Variants in TMEM132D observed in about 807,000 individuals in gnomAD.
TMEM132D encodes mature OL transmembrane protein.
Under a neutral mutation model 62.3 loss-of-function variants are expected in TMEM132D, and 21 were observed. The observed-to-expected ratio is 0.34, with a 90% confidence interval of 0.24 to 0.49. The LOEUF is 0.49. TMEM132D is among the 20% of genes least tolerant of loss of function. TMEM132D has a pLI of 0.99. For missense variants in TMEM132D, 1,346 were observed against 1,402.8 expected, an observed-to-expected ratio of 0.96 and a Z score of 0.65; for synonymous variants, 621 against 575.6, an observed-to-expected ratio of 1.08 and a Z score of -1.13.
intron 1 of TMEM132D, among the ~76,000 whole-genome samples, chr12:129,703,107 T>A (rs114927711): frequency 0.013 from 1,947 of 152,336 alleles, 45 homozygotes; most frequent in African/African-American, 0.043. Context: ...AGCACTCTTT[T>A]GCCATTCGTG....
intron 1 of TMEM132D, among the ~76,000 whole-genome samples, chr12:129,806,226 A>C (rs1593169191): frequency 1.9e-5 from 1 of 53,126 alleles, no homozygotes; most frequent in Non-Finnish European, 4.4e-5. Context: ...TCATGCTGCT[A>C]TAAAGACACA....
intron 3 of TMEM132D, among the ~76,000 whole-genome samples, chr12:129,348,680 C>A (rs1869766755): frequency 6.6e-6 from 1 of 152,130 alleles, no homozygotes; most frequent in Non-Finnish European, 1.5e-5. Context: ...TGTAACAAAC[C>A]TGCATGTTCT....
chr12:129,075,693 ATCTTGATTGGAGAG>A (rs2135606677), intron 8 of TMEM132D, among the ~76,000 whole-genome samples: 1 of 152,332 alleles, frequency 6.6e-6, no homozygotes, highest in East Asian at 1.9e-4. Flanking sequence ...AGGGAGAAGC[ATCTTGATTGGAGAG>A]TCTTCATCTC....
intron 3 of TMEM132D, among the ~76,000 whole-genome samples, chr12:129,526,350 T>C (rs1876037453): frequency 6.6e-6 from 1 of 152,150 alleles, no homozygotes; most frequent in African/African-American, 2.4e-5. Context: ...AATGGCATGA[T>C]CTCGGCTCAC....
Position 129,409,221 on chromosome 12 carries a change from C to T in TMEM132D, c.1116-71404G>A, listed in dbSNP as rs1017588577. Among the ~76,000 whole-genome samples the T allele has an allele frequency of 7.2e-5, 11 of 152,214 alleles. 1 individual carries two copies. The highest frequency in any genetic ancestry group is 2.7e-4 in the African/African-American group (11 of 41,458). ...GTGCTGGGATTACAGGCATGAGCCA[C>T]CGCACCCGGCCAGAGAAATTCTCTT... On this transcript the variant is annotated intron_variant, in intron 3 of 8. Transcript: ENST00000422113.
chr12:129,302,272 A>G lies in TMEM132D; in HGVS notation c.1299+35362T>C, dbSNP rs185428515. Reference sequence around the variant, plus strand: ...TGGGATTATAGGTGTGCACCACCATACCCGGCTAATTTTTGTAGTTTTCGT... The same window carrying G: ...TGGGATTATAGGTGTGCACCACCATGCCCGGCTAATTTTTGTAGTTTTCGT... On this transcript the variant is annotated intron_variant, in intron 4 of 8. Coordinates refer to ENST00000422113, the MANE Select transcript of TMEM132D (RefSeq NM_133448.3). 1.6e-4 allele frequency among the ~76,000 whole-genome samples: 24 copies of G among 152,216 alleles called. No individual in the cohort carries two copies. The East Asian group carries it at 4.7e-3, about 30-fold the overall frequency.
chr12:129,561,232 T>A (rs1393847551), intron 2 of TMEM132D, among the ~76,000 whole-genome samples: 1 of 152,212 alleles, frequency 6.6e-6, no homozygotes, highest in Non-Finnish European at 1.5e-5. Context: ...CCAGACTAAC[T>A]ATCCCTAACT....
chr12:129,095,679 G>A (rs1207782363), intron 5 of TMEM132D, among the ~76,000 whole-genome samples: 6 of 152,020 alleles, frequency 3.9e-5, no homozygotes, highest in African/African-American at 1.4e-4. Flanking sequence ...GAAGAGATCG[G>A]GGCATCAGGG....
chr12:129,898,052 C>A (rs1225780943), intron 1 of TMEM132D, among the ~76,000 whole-genome samples: 1 of 152,216 alleles, frequency 6.6e-6, no homozygotes, highest in Non-Finnish European at 1.5e-5. Context: ...TACATATCTA[C>A]CCCATTGAGT....
At chr12:129,237,161 C>G (rs1879808545) in intron 4 of TMEM132D, among the ~76,000 whole-genome samples, 1 of 152,044 alleles carries the variant, frequency 6.6e-6, no homozygotes, top group South Asian at 2.1e-4. Flanking sequence ...ATCTACATTC[C>G]TCAGGAATAT....
chr12:129,342,273 A>G (rs528415087), intron 3 of TMEM132D, among the ~76,000 whole-genome samples: 29 of 152,202 alleles, frequency 1.9e-4, no homozygotes, highest in African/African-American at 4.8e-4. Context: ...ATAATGCCGC[A>G]TATCTACAAC....
intron 3 of TMEM132D, among the ~76,000 whole-genome samples, chr12:129,358,469 G>A (rs555984005): frequency 1.3e-5 from 2 of 152,208 alleles, no homozygotes; most frequent in South Asian, 4.1e-4. Context: ...GTTTGAAATT[G>A]GCCACGGTGG....
At chr12:129,535,785 T>C (rs796118161) in intron 2 of TMEM132D, among the ~76,000 whole-genome samples, 5 of 138,794 alleles carry the variant, frequency 3.6e-5, no homozygotes, top group East Asian at 2.0e-4. Context: ...TGCGTGTGTG[T>C]GTGTGTGTGT....
intron 2 of TMEM132D, among the ~76,000 whole-genome samples, chr12:129,625,579 G>T: frequency 6.6e-6 from 1 of 152,188 alleles, no homozygotes; most frequent in East Asian, 1.9e-4. Flanking sequence ...CTGACGATAT[G>T]CTCACAGTTT....
chr12:129,842,051 C>A (rs1431181586), intron 1 of TMEM132D, among the ~76,000 whole-genome samples: 1 of 150,636 alleles, frequency 6.6e-6, no homozygotes. Flanking sequence ...CTGCCTCAGC[C>A]TCCTGAGTAG....
At chr12:129,434,305 G>A (rs1020659469) in intron 3 of TMEM132D, among the ~76,000 whole-genome samples, 4 of 152,176 alleles carry the variant, frequency 2.6e-5, no homozygotes, top group African/African-American at 4.8e-5. Flanking sequence ...GGTAACGGAT[G>A]AGAACATGAA....
intron 1 of TMEM132D, among the ~76,000 whole-genome samples, chr12:129,741,374 C>A (rs974807775): frequency 6.6e-6 from 1 of 152,100 alleles, no homozygotes; most frequent in African/African-American, 2.4e-5. Flanking sequence ...AAAATTAGTG[C>A]CTGACACATT....
intron 4 of TMEM132D, among the ~76,000 whole-genome samples, chr12:129,289,562 A>AG (rs1417800527): frequency 1.4e-4 from 20 of 147,510 alleles, no homozygotes; most frequent in Non-Finnish European, 1.6e-4. Flanking sequence ...AAAAAAAAAA[A>AG]AAGAAAAAAA....
intron 2 of TMEM132D, among the ~76,000 whole-genome samples, chr12:129,540,738 C>T (rs1038962711): frequency 1.3e-5 from 2 of 152,182 alleles, no homozygotes; most frequent in African/African-American, 4.8e-5. Context: ...CCACCTGCCA[C>T]CTTGGCCTCC....
Sources: gnomAD v4.1 joint callset for allele counts (sites outside exome capture counted in the v4.1 genomes callset) on GRCh38, gnomAD v4.1.1 for gene constraint, MANE v1.5 for transcripts, NCBI Gene and HGNC (gene_info 2026-07-23, HGNC 2026-07-21) for gene names.